The following NLRP11 variants were observed in gnomAD, a reference collection of about 807,000 sequenced individuals.
NLRP11 encodes the protein NACHT, LRR and PYD domains-containing protein 11.
In NLRP11, 53 loss-of-function variants were observed where a neutral mutation model predicts 79.3. That is an observed-to-expected ratio of 0.67 (90% CI 0.54 to 0.84). The LOEUF (loss-of-function observed/expected upper bound fraction) is 0.84. Among genes scored for constraint, NLRP11 ranks in the 40% least tolerant of loss-of-function variants. The pLI, the probability that NLRP11 is intolerant of heterozygous loss-of-function variation, is 0.00. For missense variants in NLRP11, 1,264 were observed against 1,255.0 expected (o/e 1.01, Z -0.11); for synonymous variants, 518 against 462.6 (o/e 1.12, Z -1.54).
intron 1 of NLRP11, among the ~76,000 whole-genome samples, chr19:55,822,898 G>A (rs978040645): frequency 2.6e-5 from 4 of 152,218 alleles, no homozygotes; most frequent in African/African-American, 9.6e-5. Context: ...GCTGGAACTG[G>A]GGGGAGCCCA....
upstream of NLRP11, chr19:55,832,682 T>G (rs1460238421): frequency 6.6e-6 from 1 of 152,222 alleles, no homozygotes; most frequent in African/African-American, 2.4e-5. Flanking sequence ...AGGGGAAATA[T>G]AAAAGAGTCT....
chr19:55,795,094 C>A (rs1013652119), intron 6 of NLRP11, among the ~76,000 whole-genome samples: 1 of 152,136 alleles, frequency 6.6e-6, no homozygotes, highest in African/African-American at 2.4e-5. Flanking sequence ...TTTTACAGAT[C>A]TCCGCCCTTC....
At chr19:55,790,618 T>C (rs904325306) in intron 7 of NLRP11, among the ~76,000 whole-genome samples, 10 of 152,228 alleles carry the variant, frequency 6.6e-5, no homozygotes, top group Non-Finnish European at 1.3e-4. Flanking sequence ...AGAATGTATA[T>C]TAAATACTGA....
At chr19:55,796,709 T>G (rs967638747) in intron 5 of NLRP11, among the ~76,000 whole-genome samples, 1 of 146,564 alleles carries the variant, frequency 6.8e-6, no homozygotes, top group African/African-American at 2.6e-5. Context: ...TTTTTTGAGA[T>G]GGAGTCTTGC....
intron 4 of NLRP11, among the ~76,000 whole-genome samples, chr19:55,805,154 G>A (rs1312167063): frequency 6.6e-6 from 1 of 152,096 alleles, no homozygotes; most frequent in Non-Finnish European, 1.5e-5. Flanking sequence ...CCCCAACCCC[G>A]GAAGAACATT....
chr19:55,817,548 A>G (rs1981255146), intron 2 of NLRP11, among the ~76,000 whole-genome samples: 1 of 152,126 alleles, frequency 6.6e-6, no homozygotes, highest in Non-Finnish European at 1.5e-5. Flanking sequence ...ATTAGAGACC[A>G]TTATTCTAAG....
At position 55,809,570 on chromosome 19, in the gene NLRP11, G is replaced by T; in HGVS notation, c.1040C>A (p.Thr347Asn). ...CTTGTCCATCTGCCGCTTCAGGACA[G>T]TACACGTGATCCAGCATAAGATGGC... The change falls in exon 3 of 10, where the codon ACT becomes AAT. Residue 347 changes from threonine (T) to asparagine (N), a missense_variant. By Grantham distance (65) the Thr-to-Asn change is moderately conservative. Coordinates refer to ENST00000589093, the Ensembl canonical transcript of NLRP11. This position sits in a 1 kb window ranked among gnomAD's most constrained non-coding sequence, Gnocchi z 4.5. The T allele has an allele frequency of 6.2e-7, 1 of 1,614,196 alleles. No homozygotes were observed.
At chr19:55,823,222 C>A (rs1339713861) in intron 1 of NLRP11, among the ~76,000 whole-genome samples, 2 of 142,854 alleles carry the variant, frequency 1.4e-5, no homozygotes, top group Admixed American at 7.0e-5. Flanking sequence ...AGAAGGAAAA[C>A]TAACAAACAG....
At chr19:55,830,179 C>T (rs986744467) in intron 1 of NLRP11, among the ~76,000 whole-genome samples, 1 of 152,106 alleles carries the variant, frequency 6.6e-6, no homozygotes, top group Non-Finnish European at 1.5e-5. Flanking sequence ...TTTTTCCCCC[C>T]TAAGTGAACA....
chr19:55,787,371 C>T (rs1298387405), intron 9 of NLRP11, among the ~76,000 whole-genome samples: 1 of 152,214 alleles, frequency 6.6e-6, no homozygotes, highest in East Asian at 1.9e-4. Flanking sequence ...GAGTCTTGCT[C>T]TGTCACCCAG....
At chr19:55,831,970 G>C (rs573206072) in exon 1 of NLRP11, 1 of 152,320 alleles carries the variant, frequency 6.6e-6, no homozygotes, top group East Asian at 1.9e-4. Flanking sequence ...CACCAACCCT[G>C]CCACCAGGTC....
At chr19:55,788,211 C>T (rs1422031039) in intron 9 of NLRP11, among the ~76,000 whole-genome samples, 2 of 152,142 alleles carry the variant, frequency 1.3e-5, no homozygotes, top group Admixed American at 6.5e-5. Context: ...ATGAGGGGTA[C>T]ATCCAAATGG....
intron 1 of NLRP11, among the ~76,000 whole-genome samples, chr19:55,818,712 G>A (rs934348266): frequency 1.3e-5 from 2 of 152,104 alleles, no homozygotes; most frequent in Non-Finnish European, 2.9e-5. Context: ...TACGTATAAG[G>A]ACTCCTAATG....
intron 1 of NLRP11, among the ~76,000 whole-genome samples, chr19:55,819,190 G>C (rs12459609): frequency 3.2e-4 from 35 of 109,404 alleles, no homozygotes; most frequent in Admixed American, 5.7e-4. Flanking sequence ...CACACACACA[G>C]GTTGCCTCTT....
In NLRP11 at chr19:55,809,518, T is replaced by G; in HGVS notation, c.1092A>C (p.Gln364His). The change falls in exon 3 of 10, where the codon CAA (glutamine) becomes CAC (histidine). Residue 364 changes from glutamine to histidine, a missense_variant. Physicochemically the swap from Gln to His is conservative, Grantham distance 24 (BLOSUM62 0). Coordinates refer to ENST00000589093, the Ensembl canonical transcript of NLRP11. This position sits in a 1 kb window ranked among gnomAD's most constrained non-coding sequence, Gnocchi z 4.5. ...AGTGGGCATGTAGATCAGTGGGTGT[T>G]TGGCAGCAGAGCTGGAAGTCACGCC... 6.2e-7 allele frequency: 1 copy of G among 1,614,036 alleles called. No homozygotes were observed. The highest frequency in any genetic ancestry group is 2.2e-5 in the East Asian group (1 of 44,868).
At chr19:55,785,855 G>C in exon 10 of NLRP11, 1 of 1,613,292 alleles carries the variant, frequency 6.2e-7, no homozygotes, top group Non-Finnish European at 8.5e-7. Flanking sequence ...TGTGTGTTCA[G>C]GCCAGTTAAT....
chr19:55,797,997 TTA>T lies in NLRP11; in HGVS notation c.2172-1749_2172-1748del, dbSNP rs1979101216. Reference sequence around the variant, plus strand: ...TGAAATGGTGTATTCTATATTATTATTATTTTTTTTTTTTTTGAGATGGAGTT... The same window carrying T: ...TGAAATGGTGTATTCTATATTATTATTTTTTTTTTTTTTTGAGATGGAGTT... On this transcript the variant is annotated intron_variant, in intron 5 of 9. Transcript: ENST00000589093. Among the ~76,000 whole-genome samples, 6 of 24,816 alleles carry T rather than the reference TTA, an allele frequency of 2.4e-4. No individual in the cohort carries two copies. The South Asian group carries it at 5.7e-3, about 24-fold the overall frequency. The allele number at this position is 24,816 out of a possible 152,430, so 16.3% of individuals were successfully genotyped here.
rs1469471500 is a variant in NLRP11 at position 55,809,653 on chromosome 19, C to T, written c.957G>A (p.Ala319=). 3 of 1,614,182 alleles carry T rather than the reference C, an allele frequency of 1.9e-6. No homozygotes were observed. The highest frequency in any genetic ancestry group is 3.3e-5 in the Admixed American group (2 of 60,022). ...CATGTACAAGCTGGAGGGCTGCCGA[C>T]GCCCTCTGGCGGTCTTTAAAGAAAG... is the stretch of plus-strand genomic sequence containing the variant. Residue 319 remains alanine (A), a synonymous_variant, in exon 3 of 10, where the codon GCG becomes GCA. Coordinates refer to ENST00000589093, the Ensembl canonical transcript of NLRP11. This position sits in a 1 kb window ranked among gnomAD's most constrained non-coding sequence, Gnocchi z 4.5.
intron 1 of NLRP11, among the ~76,000 whole-genome samples, chr19:55,829,870 C>T (rs1982581249): frequency 6.6e-6 from 1 of 151,922 alleles, no homozygotes. Flanking sequence ...CTTTTGACTT[C>T]CAACACTCAT....
Sources: gnomAD v4.1 joint callset for allele counts (sites outside exome capture counted in the v4.1 genomes callset) on GRCh38, gnomAD v4.1.1 for gene constraint, Gnocchi (gnomAD v3.1) non-coding constraint, MANE v1.5 for transcripts, NCBI Gene and HGNC (gene_info 2026-07-23, HGNC 2026-07-21) for gene names.